PIBF1: variants seen among roughly 807,000 people sequenced by gnomAD.
PIBF1 encodes progesterone immunomodulatory binding factor 1.
A neutral mutation model predicts 112.5 loss-of-function variants in PIBF1; 90 were observed. The ratio of observed to expected loss-of-function variants is 0.80; its 90% CI spans 0.67 to 0.95. PIBF1 has a LOEUF of 0.95. PIBF1 is among the 40% of genes least tolerant of loss of function. PIBF1 has a pLI of 0.00. For missense variants in PIBF1, 915 were observed against 852.3 expected (o/e 1.07, Z -0.92); for synonymous variants, 301 against 288.6 (o/e 1.04, Z -0.44).
At chr13:72,788,066 A>G (rs1036087063) in intron 2 of PIBF1, among the ~76,000 whole-genome samples, 1 of 152,218 alleles carries the variant, frequency 6.6e-6, no homozygotes, top group Non-Finnish European at 1.5e-5. Context: ...TGCTAACGTT[A>G]TGAAAAATAA....
intron 10 of PIBF1, among the ~76,000 whole-genome samples, chr13:72,891,461 A>G (rs1345560392): frequency 1.3e-5 from 2 of 151,150 alleles, no homozygotes; most frequent in African/African-American, 4.9e-5. Flanking sequence ...GGACATTTGT[A>G]TGTCATAAAA....
intron 13 of PIBF1, among the ~76,000 whole-genome samples, chr13:72,928,016 CATATATATACATATATAT>C (rs2041573777): frequency 4.3e-4 from 23 of 53,996 alleles, no homozygotes; most frequent in Admixed American, 4.2e-3. Flanking sequence ...CATATATATA[CATATATATACATATATAT>C]ATATATATAT....
chr13:72,919,722 CT>C (rs1330595548), intron 13 of PIBF1, among the ~76,000 whole-genome samples: 2 of 146,776 alleles, frequency 1.4e-5, no homozygotes, highest in Non-Finnish European at 3.0e-5. Flanking sequence ...ATTCCCAACA[CT>C]TTGAGAGGCC....
At position 72,965,328 on chromosome 13, in the gene PIBF1, A is replaced by G. The variant is rs11544631; in HGVS notation, c.1888A>G (p.Ile630Val). 45,298 of 1,555,110 alleles carry G rather than the reference A, an allele frequency of 0.029. 926 individuals carry two copies. Among genetic ancestry groups the G allele is most frequent in the South Asian group, 0.079 (7,135 of 89,908 alleles). The change falls in exon 15 of 18, where the codon ATT (isoleucine) becomes GTT (valine). Residue 630 changes from isoleucine (I) to valine (V), a missense_variant. Transcript: ENST00000326291. ...GACTCAACAGCCTTACAGGTATCTC[A>G]TTGAATCAGTGCGTCAGAGAGATTC... Reference protein sequence around the residue: ...NQTQQPYRYLIESVRQRDSKI... With the variant: ...NQTQQPYRYLVESVRQRDSKI...
At chr13:72,936,715 A>G (rs1204209157) in intron 14 of PIBF1, among the ~76,000 whole-genome samples, 1 of 152,130 alleles carries the variant, frequency 6.6e-6, no homozygotes, top group Admixed American at 6.5e-5. Context: ...ATCAGATAGT[A>G]TTGGTCCTCC....
rs529497195 is a variant in PIBF1, at chr13:72,919,354, G to A, written c.1730+2188G>A. Reference sequence around the variant, plus strand: ...AATTTTGATCAAGGCGAGCTGAATAGAAAGTATATATTTGTAGCTGGAATG... The same window carrying A: ...AATTTTGATCAAGGCGAGCTGAATAAAAAGTATATATTTGTAGCTGGAATG... On this transcript the variant is annotated intron_variant, in intron 13 of 17. Transcript: ENST00000326291. 4.6e-5 allele frequency among the ~76,000 whole-genome samples: 7 copies of A among 152,342 alleles called. No individual in the cohort carries two copies. The South Asian group carries it at 1.4e-3, about 32-fold the overall frequency.
chr13:72,947,684 C>T (rs2042186105), intron 14 of PIBF1, among the ~76,000 whole-genome samples: 1 of 152,116 alleles, frequency 6.6e-6, no homozygotes, highest in South Asian at 2.1e-4. Flanking sequence ...GTGGCGATTC[C>T]TCAAGGATCT....
chr13:72,870,041 AC>A (rs1386875158), intron 10 of PIBF1, among the ~76,000 whole-genome samples: 1 of 152,202 alleles, frequency 6.6e-6, no homozygotes, highest in Non-Finnish European at 1.5e-5. Context: ...AATTGCAGAT[AC>A]CATCTGATAA....
chr13:72,824,180 ATT>A (rs10630564), intron 6 of PIBF1, among the ~76,000 whole-genome samples: 8 of 141,686 alleles, frequency 5.6e-5, no homozygotes, highest in African/African-American at 2.6e-5. Context: ...TGCCCAGCTA[ATT>A]TTTTTTTTTT....
chr13:72,965,146 A>C lies in PIBF1; in HGVS notation c.1834-128A>C, dbSNP rs1594283030. ...TCACTCTTAAAACCTTCAAATTTACACAGGAAAAGCTTTTCAGAATAATTC... is the reference window on the plus strand; with the variant it reads ...TCACTCTTAAAACCTTCAAATTTACCCAGGAAAAGCTTTTCAGAATAATTC... On this transcript the variant is annotated intron_variant, in intron 14 of 17. Coordinates refer to ENST00000326291, the MANE Select transcript of PIBF1 (RefSeq NM_006346.4). 1.1e-5 allele frequency: 9 copies of C among 783,684 alleles called. No homozygotes were observed. In the East Asian group the frequency reaches 1.6e-4, roughly 14 times the overall value. The allele number at this position is 783,684 out of a possible 1,614,324, so 48.5% of individuals were successfully genotyped here. A position where few individuals can be genotyped will look rare whatever the true frequency, so the allele number is the denominator to read the frequency against.
intron 17 of PIBF1, among the ~76,000 whole-genome samples, chr13:73,014,162 T>C (rs959333430): frequency 2.6e-5 from 4 of 151,490 alleles, no homozygotes; most frequent in African/African-American, 9.7e-5. Context: ...TTTGTAGAGA[T>C]GGAGTTTTGC....
chr13:72,984,065 C>T (rs973820898), intron 16 of PIBF1, among the ~76,000 whole-genome samples: 5 of 151,892 alleles, frequency 3.3e-5, no homozygotes, highest in African/African-American at 1.2e-4. Flanking sequence ...TCATATTTTC[C>T]CTATAAAGTT....
At chr13:72,857,409 A>G (rs919383386) in intron 10 of PIBF1, among the ~76,000 whole-genome samples, 3 of 152,266 alleles carry the variant, frequency 2.0e-5, no homozygotes, top group African/African-American at 7.2e-5. Context: ...TTGGTGTGGC[A>G]TTACTGCCAT....
At chr13:72,853,880 T>C (rs2038288173) in intron 9 of PIBF1, among the ~76,000 whole-genome samples, 177 bp from the exon 10 acceptor site, 1 of 152,328 alleles carries the variant, frequency 6.6e-6, no homozygotes, top group African/African-American at 2.4e-5. Flanking sequence ...TACTGGCACC[T>C]ACACTGGTGT....
At chr13:72,883,439 AAG>A (rs1003102393) in intron 10 of PIBF1, among the ~76,000 whole-genome samples, 3 of 152,160 alleles carry the variant, frequency 2.0e-5, no homozygotes, top group African/African-American at 7.2e-5. Flanking sequence ...TATAGTCAGT[AAG>A]AATTTAATTG....
chr13:72,840,003 T>A (rs1452034915), intron 9 of PIBF1, among the ~76,000 whole-genome samples: 1 of 152,182 alleles, frequency 6.6e-6, no homozygotes, highest in Non-Finnish European at 1.5e-5. Flanking sequence ...TGATTGGATG[T>A]ATACTGAGGC....
At chr13:73,009,483 GAGT>G (rs1473656230) in intron 17 of PIBF1, among the ~76,000 whole-genome samples, 1 of 152,198 alleles carries the variant, frequency 6.6e-6, no homozygotes, top group African/African-American at 2.4e-5. Flanking sequence ...GACTGGCACA[GAGT>G]AGTTAGTCAA....
intron 14 of PIBF1, among the ~76,000 whole-genome samples, chr13:72,958,381 T>C (rs988470213): frequency 1.3e-5 from 2 of 150,284 alleles, no homozygotes; most frequent in Non-Finnish European, 3.0e-5. Flanking sequence ...TAGTTCTATC[T>C]ACTTCAATGA....
intron 6 of PIBF1, among the ~76,000 whole-genome samples, chr13:72,823,411 A>T (rs2036656621): frequency 6.6e-6 from 1 of 152,186 alleles, no homozygotes; most frequent in Admixed American, 6.5e-5. Context: ...TATAACCTTG[A>T]TCAAAAAGCA....
Sources: allele counts gnomAD v4.1 joint callset (sites outside exome capture counted in the v4.1 genomes callset), GRCh38; gene constraint gnomAD v4.1.1; transcripts MANE v1.5; gene names NCBI Gene and HGNC (gene_info 2026-07-23, HGNC 2026-07-21).